Variants in FAM178B observed in about 807,000 individuals in gnomAD.
The protein encoded by FAM178B is protein FAM178B.
A neutral mutation model predicts 91.7 loss-of-function variants in FAM178B; 82 were observed. The observed-to-expected ratio is 0.89, with a 90% CI of 0.75 to 1.07. FAM178B has a LOEUF of 1.07. Among genes scored for constraint, FAM178B ranks in the 50% least tolerant of loss-of-function variants. The pLI is 0.00. For synonymous variants in FAM178B, 368 were observed against 359.4 expected (o/e 1.02, Z -0.27); for missense variants, 769 against 846.7 (o/e 0.91, Z 1.14).
At chr2:96,949,279 C>T (rs1360246253) in intron 7 of FAM178B, among the ~76,000 whole-genome samples, 1 of 152,174 alleles carries the variant, frequency 6.6e-6, no homozygotes, top group Non-Finnish European at 1.5e-5. Context: ...CCCCCTCACC[C>T]ACGCCCTGGC....
At chr2:96,879,083 C>A (rs887981280) in intron 14 of FAM178B, among the ~76,000 whole-genome samples, 1 of 152,246 alleles carries the variant, frequency 6.6e-6, no homozygotes, top group Non-Finnish European at 1.5e-5. Context: ...TCTTGAGGCA[C>A]CCCTGGACTC....
intron 5 of FAM178B, among the ~76,000 whole-genome samples, chr2:96,964,625 G>A (rs1796025): frequency 0.63 from 82,851 of 131,872 alleles, 27,934 homozygotes; most frequent in Non-Finnish European, 0.77. Context: ...GCCTACAGAC[G>A]TGCTGTTACT....
At chr2:96,916,070 T>C (rs1484411955) in intron 12 of FAM178B, among the ~76,000 whole-genome samples, 1 of 152,214 alleles carries the variant, frequency 6.6e-6, no homozygotes, top group Non-Finnish European at 1.5e-5. Flanking sequence ...ACTGAGGCAA[T>C]TTCCAGTTCT....
At chr2:96,880,617 C>T (rs572677137) in intron 14 of FAM178B, among the ~76,000 whole-genome samples, 79 of 150,624 alleles carry the variant, frequency 5.2e-4, no homozygotes, top group South Asian at 1.9e-3. Flanking sequence ...TTTTTTGAGA[C>T]GGAGTCTCGC....
chr2:96,901,176 CT>C (rs1195230304), intron 13 of FAM178B, among the ~76,000 whole-genome samples: 12,650 of 132,410 alleles, frequency 0.096, 1,746 homozygotes, highest in African/African-American at 0.32. Context: ...ATTCTTTTTT[CT>C]TTTTTTTTTT....
At chr2:96,967,463 G>T in intron 5 of FAM178B, 57 bp downstream of exon 5, 1 of 1,088,812 alleles carries the variant, frequency 9.2e-7, no homozygotes, top group Non-Finnish European at 1.4e-6. Flanking sequence ...AAACCAGAGG[G>T]GGTTGGCACC....
At chr2:96,967,017 C>T (rs2153375404) in intron 5 of FAM178B, among the ~76,000 whole-genome samples, 1 of 152,296 alleles carries the variant, frequency 6.6e-6, no homozygotes, top group South Asian at 2.1e-4. Context: ...ACAGTGTGCC[C>T]TGAAGATGGA....
intron 5 of FAM178B, among the ~76,000 whole-genome samples, chr2:96,964,016 CTAAAAATA>C (rs1490079596): frequency 1.3e-5 from 2 of 151,964 alleles, no homozygotes; most frequent in East Asian, 3.9e-4. Context: ...CTTGTCTCTA[CTAAAAATA>C]TAAAAATTAG....
chr2:96,977,774 T>C (rs904966711), intron 1 of FAM178B: 3 of 454,466 alleles, frequency 6.6e-6, no homozygotes, highest in African/African-American at 6.0e-5. Context: ...TTCTGTGTCA[T>C]CCTAACAATG....
Position 96,923,485 on chromosome 2 carries a change from C to T in FAM178B, c.1287+5G>A, listed in dbSNP as rs1175673435. The T allele has an allele frequency of 6.4e-7, 1 of 1,550,686 alleles. No homozygotes were observed. Among genetic ancestry groups the T allele is most frequent in the East Asian group, 2.4e-5 (1 of 40,912 alleles). On this transcript the variant is annotated splice_donor_5th_base_variant and intron_variant, in intron 10 of 16. Coordinates refer to ENST00000490605, the MANE Select transcript of FAM178B (RefSeq NM_001122646.3). Reference sequence around the variant, plus strand: ...GCCCTGCATGAGGCAGGCGGCTTGACTCACCTTGTAGATGTGGCCCAGGCT... The same window carrying T: ...GCCCTGCATGAGGCAGGCGGCTTGATTCACCTTGTAGATGTGGCCCAGGCT...
intron 8 of FAM178B, among the ~76,000 whole-genome samples, chr2:96,929,584 T>C (rs186469492): frequency 1.3e-5 from 2 of 152,350 alleles, no homozygotes; most frequent in East Asian, 3.9e-4. Context: ...TCCCTGACCA[T>C]CTGGCCATCC....
intron 2 of FAM178B, 45 bp from the exon 3 acceptor site, chr2:96,972,367 C>G: frequency 6.8e-7 from 1 of 1,467,068 alleles, no homozygotes; most frequent in East Asian, 2.5e-5. Context: ...CCACCTGCCA[C>G]TGTCCCAGAC....
intron 14 of FAM178B, among the ~76,000 whole-genome samples, chr2:96,889,704 A>ATAAC (rs2080619961): frequency 7.3e-6 from 1 of 136,556 alleles, no homozygotes; most frequent in Non-Finnish European, 1.5e-5. Context: ...AAATAAATAA[A>ATAAC]TAAATAAATA....
intron 4 of FAM178B, among the ~76,000 whole-genome samples, chr2:96,968,851 A>C (rs1229115797): frequency 6.6e-6 from 1 of 152,128 alleles, no homozygotes; most frequent in Non-Finnish European, 1.5e-5. Flanking sequence ...AAGGCCCCTC[A>C]GGCTCCAGCC....
intron 5 of FAM178B, among the ~76,000 whole-genome samples, chr2:96,961,513 T>C (rs749433316): frequency 1.3e-5 from 2 of 152,196 alleles, no homozygotes; most frequent in East Asian, 3.8e-4. Flanking sequence ...CATATAACTA[T>C]GTTCTGCTTC....
chr2:96,910,892 T>C (rs541858327), intron 12 of FAM178B, among the ~76,000 whole-genome samples: 2 of 151,254 alleles, frequency 1.3e-5, no homozygotes, highest in African/African-American at 4.9e-5. Context: ...CTCAGCCTCC[T>C]GAGTAGCTGG....
chr2:96,878,079 C>A, intron 15 of FAM178B, 37 bp from the exon 16 acceptor site: 1 of 1,599,654 alleles, frequency 6.3e-7, no homozygotes, highest in Non-Finnish European at 8.5e-7. Context: ...GCGGGTGTAG[C>A]ACAAGCCAGG....
chr2:96,921,753 G>A, intron 10 of FAM178B, 99 bp from the exon 11 acceptor site: 1 of 1,244,306 alleles, frequency 8.0e-7, no homozygotes, highest in Non-Finnish European at 1.1e-6. Context: ...AGAAGGGATG[G>A]TACTGTGAGC....
Position 96,921,659 on chromosome 2 carries a change from A to T in FAM178B, c.1288-5T>A. On this transcript the variant is annotated splice_region_variant and splice_polypyrimidine_tract_variant and intron_variant, in intron 10 of 16. Coordinates refer to ENST00000490605, the MANE Select transcript of FAM178B (RefSeq NM_001122646.3). Reference sequence around the variant, plus strand: ...CTGGGCACACAGCGCCAGAAACTGGAGAGAGAAAAGAGGGCAGGGGTGGCC... The same window carrying T: ...CTGGGCACACAGCGCCAGAAACTGGTGAGAGAAAAGAGGGCAGGGGTGGCC... 1 of 1,550,930 alleles carries T rather than the reference A, an allele frequency of 6.4e-7. No homozygotes were observed. The highest frequency in any genetic ancestry group is 8.7e-7 in the Non-Finnish European group (1 of 1,146,914).
Sources: allele counts gnomAD v4.1 joint callset (sites outside exome capture counted in the v4.1 genomes callset), GRCh38; gene constraint gnomAD v4.1.1; transcripts MANE v1.5; gene names NCBI Gene and HGNC (gene_info 2026-07-23, HGNC 2026-07-21).